The following PTBP3 variants were observed in gnomAD, a reference collection of about 807,000 sequenced individuals.
PTBP3 encodes polypyrimidine tract-binding protein 3.
In PTBP3, 20 loss-of-function variants were observed where a neutral mutation model predicts 58.7. The ratio of observed to expected loss-of-function variants is 0.34; its 90% CI spans 0.24 to 0.50. The LOEUF is 0.50. Among genes scored for constraint, PTBP3 ranks in the 20% least tolerant of loss-of-function variants. The probability of loss-of-function intolerance (pLI) is 0.98; values close to 1 mark genes in which losing one functional copy is unlikely to be tolerated. For synonymous variants in PTBP3, 185 were observed against 219.8 expected, an observed-to-expected ratio of 0.84 and a Z score of 1.40; for missense variants, 509 against 637.2, an observed-to-expected ratio of 0.80 and a Z score of 2.17.
upstream of PTBP3, among the ~76,000 whole-genome samples, chr9:112,335,283 G>GT (rs1830552340): frequency 6.6e-6 from 1 of 151,338 alleles, no homozygotes; most frequent in East Asian, 1.9e-4. Context: ...TTGTTTTTTT[G>GT]TTTTTTTGTT....
At chr9:112,315,919 A>G (rs755690962) in intron 1 of PTBP3, among the ~76,000 whole-genome samples, 3 of 152,222 alleles carry the variant, frequency 2.0e-5, no homozygotes, top group Admixed American at 6.5e-5. Flanking sequence ...ATTTTCTCTG[A>G]ATAAAAATGA....
At chr9:112,320,708 A>G (rs1829915110) in intron 1 of PTBP3, among the ~76,000 whole-genome samples, 1 of 152,218 alleles carries the variant, frequency 6.6e-6, no homozygotes, top group South Asian at 2.1e-4. Flanking sequence ...AGATCAAGGG[A>G]TAAGAATACA....
chr9:112,308,720 T>C (rs1010381810), intron 1 of PTBP3, among the ~76,000 whole-genome samples: 12 of 149,338 alleles, frequency 8.0e-5, no homozygotes, highest in African/African-American at 2.3e-4. Flanking sequence ...TGTGAAGACA[T>C]AGGGGAGTGG....
rs78855757 is a variant in PTBP3 at position 112,259,443 on chromosome 9, A to C, written c.516+2992T>G. On this transcript the variant is annotated intron_variant, in intron 5 of 13. Coordinates refer to ENST00000374257, the MANE Select transcript of PTBP3 (RefSeq NM_001163788.4). The stretch of plus-strand genomic sequence containing the variant: ...TTACTCTCTCTATTCCAGTGACACC[A>C]GCCTTCTTTCTGATACTTGAACACA... Among the ~76,000 whole-genome samples, 1,451 of 152,290 alleles carry C rather than the reference A, an allele frequency of 9.5e-3. 28 individuals carry two copies. Among genetic ancestry groups the C allele is most frequent in the African/African-American group, 0.033 (1,381 of 41,554 alleles).
At chr9:112,337,057 G>T (rs768747097), upstream of PTBP3, among the ~76,000 whole-genome samples, 1 of 152,148 alleles carries the variant, frequency 6.6e-6, no homozygotes, top group Non-Finnish European at 1.5e-5. Flanking sequence ...GGAATCAGAG[G>T]CTTGCTCTCT....
At chr9:112,374,270 A>C in the PTBP3 span, among the ~76,000 whole-genome samples, 1 of 152,138 alleles carries the variant, frequency 6.6e-6, no homozygotes, top group Admixed American at 6.5e-5. Context: ...CTTCCCATTT[A>C]ATGGAATCAT....
intron 2 of PTBP3, among the ~76,000 whole-genome samples, chr9:112,290,093 C>A (rs1009713158): frequency 2.0e-5 from 3 of 152,132 alleles, no homozygotes; most frequent in African/African-American, 7.2e-5. Flanking sequence ...AGAACAATTT[C>A]TGTTTAACAA....
chr9:112,359,215 CG>C, the PTBP3 span, among the ~76,000 whole-genome samples: 31 of 149,832 alleles, frequency 2.1e-4, no homozygotes, highest in African/African-American at 7.1e-4. Context: ...CCGAGGTGAG[CG>C]GATCACCTGA....
the PTBP3 span, among the ~76,000 whole-genome samples, chr9:112,371,434 A>G: frequency 6.6e-6 from 1 of 152,164 alleles, no homozygotes; most frequent in Admixed American, 6.5e-5. Context: ...CCCCTAATTC[A>G]TCTGTTTCAA....
chr9:112,321,684 G>A (rs552404740), intron 1 of PTBP3, among the ~76,000 whole-genome samples: 4 of 152,270 alleles, frequency 2.6e-5, no homozygotes, highest in South Asian at 2.1e-4. Flanking sequence ...TCCTTGTCTG[G>A]AGCAGAATCT....
At chr9:112,305,138 AT>A (rs1280905120) in intron 1 of PTBP3, among the ~76,000 whole-genome samples, 1 of 152,168 alleles carries the variant, frequency 6.6e-6, no homozygotes, top group African/African-American at 2.4e-5. Context: ...TGACTGCCTT[AT>A]TTTAATATGG....
rs374619395 is a variant in PTBP3 at position 112,233,113 on chromosome 9, G to C, written c.881-875C>G. Among the ~76,000 whole-genome samples the C allele has an allele frequency of 9.3e-4, 141 of 151,962 alleles. 1 individual carries two copies. Among genetic ancestry groups the C allele is most frequent in the South Asian group, 4.8e-3 (23 of 4,806 alleles). ...CCATACTGCTGAATTTTAAAACTGTGCAGACCACATTCTCAGGCTGAATAC... is the reference window on the plus strand; with the variant it reads ...CCATACTGCTGAATTTTAAAACTGTCCAGACCACATTCTCAGGCTGAATAC... On this transcript the variant is annotated intron_variant, in intron 8 of 13. Coordinates refer to ENST00000374257, the MANE Select transcript of PTBP3 (RefSeq NM_001163788.4).
chr9:112,275,768 T>A, intron 3 of PTBP3, 76 bp downstream of exon 3: 1 of 1,310,956 alleles, frequency 7.6e-7, no homozygotes. Flanking sequence ...ACAGAAAAGC[T>A]CAAGAAAATA....
chr9:112,316,981 A>C (rs1402340342), intron 1 of PTBP3, among the ~76,000 whole-genome samples: 1 of 146,136 alleles, frequency 6.8e-6, no homozygotes, highest in Non-Finnish European at 1.5e-5. Context: ...CAAAAAAAAA[A>C]AAACAGTAAA....
chr9:112,297,335 G>C (rs1941545161), intron 2 of PTBP3, among the ~76,000 whole-genome samples: 1 of 152,142 alleles, frequency 6.6e-6, no homozygotes, highest in Admixed American at 6.5e-5. Context: ...CTCCCAAGTA[G>C]CTGGGATTAC....
chr9:112,355,516 C>A, the PTBP3 span, among the ~76,000 whole-genome samples: 3,175 of 152,228 alleles, frequency 0.021, 61 homozygotes, highest in African/African-American at 0.05. Context: ...GCTGATATGA[C>A]ACTCCATTTC....
At chr9:112,359,598 G>A in the PTBP3 span, among the ~76,000 whole-genome samples, 1 of 152,188 alleles carries the variant, frequency 6.6e-6, no homozygotes, top group African/African-American at 2.4e-5. Context: ...GAGGTCGGGA[G>A]TTCAAGACGA....
chr9:112,268,292 C>A, intron 3 of PTBP3, 97 bp from the exon 4 acceptor site: 1 of 1,179,706 alleles, frequency 8.5e-7, no homozygotes, highest in Non-Finnish European at 1.1e-6. Context: ...CCCATGCACT[C>A]TCAAGTAAAA....
intron 5 of PTBP3, 30 bp from the exon 6 acceptor site, chr9:112,252,818 T>A: frequency 7.7e-7 from 1 of 1,291,118 alleles, no homozygotes; most frequent in Non-Finnish European, 1.1e-6. Context: ...AGGTTAAATG[T>A]AAAAGAAAAG....
Sources: gnomAD v4.1 joint callset for allele counts (sites outside exome capture counted in the v4.1 genomes callset) on GRCh38, gnomAD v4.1.1 for gene constraint, MANE v1.5 for transcripts, NCBI Gene and HGNC (gene_info 2026-07-23, HGNC 2026-07-21) for gene names.